WDR72: variants seen among roughly 807,000 people sequenced by gnomAD.
WDR72 encodes the protein WD repeat-containing protein 72.
WDR72 carries 120 observed loss-of-function variants against 124.2 expected under a neutral mutation model. The observed-to-expected ratio is 0.97, with a 90% confidence interval of 0.83 to 1.12. The LOEUF is 1.12. WDR72 is among the 50% of genes most tolerant of loss of function. The probability of loss-of-function intolerance (pLI) is 0.00; values close to 1 mark genes in which losing one functional copy is unlikely to be tolerated. For synonymous variants in WDR72, 452 were observed against 441.7 expected (o/e 1.02, Z -0.29); for missense variants, 1,387 against 1,278.8 (o/e 1.08, Z -1.29).
At chr15:53,529,164 A>ATATATATATATTTTTTT (rs59003623) in intron 18 of WDR72, among the ~76,000 whole-genome samples, 1 of 78,168 alleles carries the variant, frequency 1.3e-5, no homozygotes, top group African/African-American at 5.0e-5. Flanking sequence ...ATATATATAT[A>ATATATATATATTTTTTT]TTTTTTTTTT....
At position 53,699,907 on chromosome 15, in the gene WDR72, G is replaced by C. The variant is rs768788459; in HGVS notation, c.1608C>G (p.Asp536Glu). ...CAAGGTGAAGGAGAGCCACGGAATG[G>C]TCACCGCACACACAGCAAATTATCT... is the stretch of plus-strand genomic sequence containing the variant. ...GEQIICCVCG[D>E]HSVALLHLEG... The change falls in exon 13 of 20, where the codon GAC becomes GAG. Residue 536 changes from aspartate (D) to glutamate (E), a missense_variant. Transcript: ENST00000360509. 2 of 1,614,018 alleles carry C rather than the reference G, an allele frequency of 1.2e-6. No individual in the cohort carries two copies. The highest frequency in any genetic ancestry group is 1.7e-6 in the Non-Finnish European group (2 of 1,180,042).
intron 1 of WDR72, among the ~76,000 whole-genome samples, chr15:53,742,940 A>AAAATGTTATATGTTATATAAAC (rs1331717152): frequency 2.0e-5 from 3 of 152,198 alleles, no homozygotes; most frequent in Non-Finnish European, 2.9e-5. Flanking sequence ...ATAAACAACC[A>AAAATGTTATATGTTATATAAAC]AACATACAGA....
At chr15:53,608,639 C>G (rs1595790525) in intron 17 of WDR72, among the ~76,000 whole-genome samples, 1 of 151,866 alleles carries the variant, frequency 6.6e-6, no homozygotes, top group South Asian at 2.1e-4. Context: ...GCCTGTAGTT[C>G]CAGTTACTCA....
At chr15:53,605,983 C>G (rs1192877124) in intron 17 of WDR72, among the ~76,000 whole-genome samples, 1 of 152,166 alleles carries the variant, frequency 6.6e-6, no homozygotes, top group Non-Finnish European at 1.5e-5. Context: ...GAAGTTTAAA[C>G]TATCTCACAG....
At chr15:53,675,125 A>G (rs1345668021) in intron 13 of WDR72, among the ~76,000 whole-genome samples, 1 of 152,146 alleles carries the variant, frequency 6.6e-6, no homozygotes, top group African/African-American at 2.4e-5. Flanking sequence ...CAGGCGGATC[A>G]CGAGGTCAGG....
At chr15:53,658,068 T>A (rs1173380098) in intron 14 of WDR72, among the ~76,000 whole-genome samples, 1 of 152,170 alleles carries the variant, frequency 6.6e-6, no homozygotes, top group African/African-American at 2.4e-5. Flanking sequence ...CTCAGTACAC[T>A]TTAGATGAGG....
chr15:53,630,981 C>A (rs1337493662), intron 14 of WDR72, among the ~76,000 whole-genome samples: 2 of 152,012 alleles, frequency 1.3e-5, no homozygotes, highest in Non-Finnish European at 2.9e-5. Context: ...ACAAAAAAAA[C>A]CTATTTGAAC....
intron 12 of WDR72, among the ~76,000 whole-genome samples, chr15:53,700,805 C>G (rs1452794022): frequency 6.6e-6 from 1 of 152,086 alleles, no homozygotes; most frequent in Admixed American, 6.6e-5. Flanking sequence ...TGTGATAGAT[C>G]TGGAGCCTAG....
chr15:53,723,787 T>C (rs2017943701), intron 2 of WDR72, among the ~76,000 whole-genome samples: 1 of 152,226 alleles, frequency 6.6e-6, no homozygotes, highest in Non-Finnish European at 1.5e-5. Flanking sequence ...ATAAATGCTA[T>C]GTAAATTGCT....
intron 18 of WDR72, among the ~76,000 whole-genome samples, chr15:53,565,904 C>T (rs977529859): frequency 1.3e-5 from 2 of 151,920 alleles, no homozygotes; most frequent in Non-Finnish European, 2.9e-5. Flanking sequence ...TTTCCTTCCT[C>T]TCAAAAAAGC....
intron 1 of WDR72, among the ~76,000 whole-genome samples, chr15:53,736,556 C>T (rs1419464070): frequency 6.6e-6 from 1 of 152,128 alleles, no homozygotes; most frequent in African/African-American, 2.4e-5. Context: ...AGGAGGACAT[C>T]AATTTACAAG....
chr15:53,720,151 G>T (rs1235530516), intron 3 of WDR72, among the ~76,000 whole-genome samples: 1 of 151,912 alleles, frequency 6.6e-6, no homozygotes, highest in Non-Finnish European at 1.5e-5. Context: ...TTAATTAAAA[G>T]TTACATACTC....
chr15:53,550,717 C>G lies in WDR72; in HGVS notation c.3149-27395G>C, dbSNP rs1595754488. ...ACTTGCTCAGATAAATAGGCCTTCA[C>G]TTTAACTGTGGTATAAATGAAGCAG... On this transcript the variant is annotated intron_variant, in intron 18 of 19. Coordinates refer to ENST00000360509, the MANE Select transcript of WDR72 (RefSeq NM_182758.4). Among the ~76,000 whole-genome samples, 3 of 152,118 alleles carry G rather than the reference C, an allele frequency of 2.0e-5. No homozygotes were observed. The East Asian group carries it at 5.8e-4, about 29-fold the overall frequency.
At chr15:53,606,599 A>C (rs78570904) in intron 17 of WDR72, among the ~76,000 whole-genome samples, 3,599 of 152,300 alleles carry the variant, frequency 0.024, 147 homozygotes, top group African/African-American at 0.083. Context: ...CAAAAAAACT[A>C]GGTAATGTGA....
At chr15:53,531,864 C>T (rs925100982) in intron 18 of WDR72, among the ~76,000 whole-genome samples, 21 of 152,124 alleles carry the variant, frequency 1.4e-4, no homozygotes, top group Admixed American at 2.0e-4. Context: ...TAGTTTTACA[C>T]ATTGTTTGGA....
intron 1 of WDR72, among the ~76,000 whole-genome samples, chr15:53,753,437 G>A (rs561676039): frequency 1.3e-5 from 2 of 152,202 alleles, no homozygotes; most frequent in Non-Finnish European, 2.9e-5. Flanking sequence ...CAGAAGCTAG[G>A]CCAAAACAGA....
At chr15:53,547,721 T>A (rs1327822901) in intron 18 of WDR72, among the ~76,000 whole-genome samples, 1 of 152,152 alleles carries the variant, frequency 6.6e-6, no homozygotes, top group Non-Finnish European at 1.5e-5. Flanking sequence ...CAGCTTTAAG[T>A]TCAGGACCTC....
chr15:53,670,964 A>G (rs1248194852), intron 13 of WDR72, among the ~76,000 whole-genome samples: 1 of 152,166 alleles, frequency 6.6e-6, no homozygotes, highest in Non-Finnish European at 1.5e-5. Flanking sequence ...GAACCTCCTC[A>G]ATCAGCCTTT....
chr15:53,584,680 G>GA (rs1283335344), intron 18 of WDR72, among the ~76,000 whole-genome samples: 1 of 151,868 alleles, frequency 6.6e-6, no homozygotes, highest in Non-Finnish European at 1.5e-5. Context: ...CTCTCTTTCA[G>GA]AAAAAAGCTC....
Sources: gnomAD v4.1 joint callset for allele counts (sites outside exome capture counted in the v4.1 genomes callset) on GRCh38, gnomAD v4.1.1 for gene constraint, MANE v1.5 for transcripts, NCBI Gene and HGNC (gene_info 2026-07-23, HGNC 2026-07-21) for gene names.